BICC1: variants seen among roughly 807,000 people sequenced by gnomAD.
BICC1 encodes BicC family RNA binding protein 1.
BICC1 carries 43 observed loss-of-function variants against 111.0 expected under a neutral mutation model. The ratio of observed to expected loss-of-function variants is 0.39; its 90% CI spans 0.30 to 0.50. The LOEUF (loss-of-function observed/expected upper bound fraction) is 0.50, where lower values mean the gene tolerates loss of function less well. Ranked by LOEUF, BICC1 falls within the 20% of genes least tolerant of loss-of-function variation. BICC1 has a pLI of 0.88. For synonymous variants in BICC1, 467 were observed against 434.4 expected (o/e 1.07, Z -0.93); for missense variants, 1,091 against 1,203.2 (o/e 0.91, Z 1.38).
At chr10:58,599,774 G>GA (rs1404259817) in intron 1 of BICC1, among the ~76,000 whole-genome samples, 9 of 152,108 alleles carry the variant, frequency 5.9e-5, no homozygotes, top group Non-Finnish European at 1.0e-4. Flanking sequence ...ACATCTCTAT[G>GA]AAAAAATTCT....
intron 4 of BICC1, 44 bp downstream of exon 4, chr10:58,785,124 T>G: frequency 3.6e-6 from 4 of 1,124,402 alleles, no homozygotes; most frequent in Non-Finnish European, 5.1e-6. Context: ...ACCTTGTCTC[T>G]ACAAGGGCTA....
intron 1 of BICC1, among the ~76,000 whole-genome samples, chr10:58,564,733 T>C (rs967907403): frequency 5.3e-5 from 8 of 152,158 alleles, no homozygotes; most frequent in African/African-American, 1.9e-4. Flanking sequence ...ATGAAACCCA[T>C]TTGATATGAA....
chr10:58,598,740 AT>A (rs1445381348), intron 1 of BICC1, among the ~76,000 whole-genome samples: 1 of 152,098 alleles, frequency 6.6e-6, no homozygotes, highest in Non-Finnish European at 1.5e-5. Context: ...ATGGGAGAAA[AT>A]TTTTACACTC....
chr10:58,629,584 A>T (rs1471089181), intron 2 of BICC1, among the ~76,000 whole-genome samples: 1 of 152,160 alleles, frequency 6.6e-6, no homozygotes, highest in East Asian at 1.9e-4. Flanking sequence ...ATACTAAATA[A>T]ATGTATGGAT....
At chr10:58,787,130 A>G in intron 5 of BICC1, 49 bp downstream of exon 5, 1 of 1,469,546 alleles carries the variant, frequency 6.8e-7, no homozygotes, top group African/African-American at 1.5e-5. Context: ...TACAGCCTTA[A>G]TTTAATTTTC....
chr10:58,789,549 T>A, intron 7 of BICC1, 93 bp downstream of exon 7: 1 of 1,506,186 alleles, frequency 6.6e-7, no homozygotes, highest in East Asian at 2.3e-5. Context: ...TTTCCAGAAT[T>A]TTCCTTCGTT....
intron 1 of BICC1, among the ~76,000 whole-genome samples, chr10:58,595,356 C>T (rs1844777275): frequency 6.6e-6 from 1 of 152,130 alleles, no homozygotes; most frequent in Non-Finnish European, 1.5e-5. Flanking sequence ...AGCTCTGGAC[C>T]AAGTGGACCT....
chr10:58,522,626 T>TA (rs1434802117), intron 1 of BICC1, among the ~76,000 whole-genome samples: 1 of 152,096 alleles, frequency 6.6e-6, no homozygotes, highest in African/African-American at 2.4e-5. Context: ...ATTGATACCC[T>TA]AACATCACAA....
chr10:58,809,335 T>C (rs1332501454), intron 17 of BICC1, among the ~76,000 whole-genome samples: 1 of 152,118 alleles, frequency 6.6e-6, no homozygotes, highest in Non-Finnish European at 1.5e-5. Context: ...TTAAGTTTTT[T>C]ACATTTTTTT....
At chr10:58,602,323 A>G (rs1431360179) in intron 1 of BICC1, among the ~76,000 whole-genome samples, 1 of 152,196 alleles carries the variant, frequency 6.6e-6, no homozygotes, top group Non-Finnish European at 1.5e-5. Context: ...TGCATCATAA[A>G]TGTACGCACA....
intron 1 of BICC1, among the ~76,000 whole-genome samples, chr10:58,598,044 A>G (rs931017029): frequency 6.6e-6 from 1 of 152,166 alleles, no homozygotes; most frequent in Non-Finnish European, 1.5e-5. Context: ...AGCCATAAGA[A>G]TTACAAAAGT....
chr10:58,810,918 C>T (rs1175701536), intron 17 of BICC1, among the ~76,000 whole-genome samples: 2 of 152,262 alleles, frequency 1.3e-5, no homozygotes, highest in Non-Finnish European at 2.9e-5. Context: ...GAGGGCTGCT[C>T]ACTCGGTGTG....
In BICC1 at chr10:58,817,614, A is replaced by G. The variant is rs1351703442; in HGVS notation, c.2586A>G (p.Thr862=). 8 of 1,613,638 alleles carry G rather than the reference A, an allele frequency of 5.0e-6. No homozygotes were observed. The East Asian group carries it at 1.8e-4, about 36-fold the overall frequency. ...ACATGGACTGCATTTCCTCGCTGACAGGAAGCAATGGCTGTAACTTAAATA... is the reference window on the plus strand; with the variant it reads ...ACATGGACTGCATTTCCTCGCTGACGGGAAGCAATGGCTGTAACTTAAATA... ...SNYMDCISSL[T]GSNGCNLNSS... is the part of the protein sequence containing the mutation. Residue 862 remains threonine (T), a synonymous_variant, in exon 19 of 21, where the codon ACA becomes ACG. Transcript: ENST00000373886.
chr10:58,674,337 T>G (rs536312655), intron 2 of BICC1, among the ~76,000 whole-genome samples: 1 of 152,328 alleles, frequency 6.6e-6, no homozygotes, highest in East Asian at 1.9e-4. Context: ...GAAATAATTT[T>G]TGTACCATGT....
rs145884889 is a variant in BICC1 at position 58,686,893 on chromosome 10, A to G, written c.238-15181A>G. Among the ~76,000 whole-genome samples, 209 of 152,310 alleles carry G rather than the reference A, an allele frequency of 1.4e-3. 3 individuals carry two copies. The highest frequency in any genetic ancestry group is 8.9e-3 in the Admixed American group (136 of 15,304). ...TTTCAACTCGTCAAAGTCATTGTCC[A>G]TCTAGCTTTGTTCCATTGCTGGCGA... is the stretch of plus-strand genomic sequence containing the variant. On this transcript the variant is annotated intron_variant, in intron 2 of 20. Coordinates refer to ENST00000373886, the MANE Select transcript of BICC1 (RefSeq NM_001080512.3).
intron 1 of BICC1, among the ~76,000 whole-genome samples, chr10:58,583,676 G>A (rs1844350498): frequency 2.0e-5 from 3 of 151,000 alleles, no homozygotes; most frequent in South Asian, 2.1e-4. Flanking sequence ...TGATTGATGG[G>A]CATTTGAGCT....
intron 3 of BICC1, among the ~76,000 whole-genome samples, chr10:58,772,444 C>T (rs369392687): frequency 9.0e-4 from 137 of 152,160 alleles, no homozygotes; most frequent in African/African-American, 3.1e-3. Context: ...TTAGCATTCA[C>T]GTTTTAAATA....
chr10:58,626,739 AACC>A (rs1837639733), intron 2 of BICC1, among the ~76,000 whole-genome samples: 1 of 152,166 alleles, frequency 6.6e-6, no homozygotes, highest in African/African-American at 2.4e-5. Context: ...TCTTTATGAA[AACC>A]ACATTTCCTG....
rs1353476049 is a variant in BICC1 at position 58,718,772 on chromosome 10, G to GCGCATGCGCACGCC, written c.307+16632_307+16633insATGCGCACGCCCGC. Among the ~76,000 whole-genome samples, 18 of 82,838 alleles carry GCGCATGCGCACGCC rather than the reference G, an allele frequency of 2.2e-4. No homozygotes were observed. In the South Asian group the frequency reaches 2.4e-3, roughly 11 times the overall value. 54.3% of individuals were successfully genotyped at this position (82,838 alleles called of 152,430 possible). The stretch of plus-strand genomic sequence containing the variant: ...TGTGTGTGTGTGTGTGTGTGCGCGC[G>GCGCATGCGCACGCC]CGCGTGCGCGCGTGCGCACGCCCGC... On this transcript the variant is annotated intron_variant, in intron 3 of 20. Coordinates refer to ENST00000373886, the MANE Select transcript of BICC1 (RefSeq NM_001080512.3).
Sources: gnomAD v4.1 joint callset for allele counts (sites outside exome capture counted in the v4.1 genomes callset) on GRCh38, gnomAD v4.1.1 for gene constraint, MANE v1.5 for transcripts, NCBI Gene and HGNC (gene_info 2026-07-23, HGNC 2026-07-21) for gene names.